RGPD2: variants seen among roughly 807,000 people sequenced by gnomAD.
The protein encoded by RGPD2 is RANBP2-like and GRIP domain-containing protein 2.
Under a neutral mutation model 36.0 loss-of-function variants are expected in RGPD2, and 2 were observed. That is an observed-to-expected ratio of 0.06 (90% CI 0.02 to 0.17). The LOEUF (loss-of-function observed/expected upper bound fraction) is 0.17, where lower values mean the gene tolerates loss of function less well. Ranked by LOEUF, RGPD2 falls within the 10% of genes least tolerant of loss-of-function variation. The probability of loss-of-function intolerance (pLI) is 1.00; values close to 1 mark genes in which losing one functional copy is unlikely to be tolerated. For missense variants in RGPD2, 40 were observed against 464.3 expected, an observed-to-expected ratio of 0.09 and a Z score of 8.40; for synonymous variants, 19 against 163.8, an observed-to-expected ratio of 0.12 and a Z score of 6.75.
chr2:87,865,440 C>T, the RGPD2 span, among the ~76,000 whole-genome samples: 6 of 152,292 alleles, frequency 3.9e-5, no homozygotes, highest in East Asian at 1.9e-4. Context: ...GACACTGATC[C>T]CAGGGTACAT....
the RGPD2 span, among the ~76,000 whole-genome samples, chr2:87,840,548 T>A: frequency 2.0e-5 from 3 of 151,772 alleles, no homozygotes; most frequent in Non-Finnish European, 2.9e-5. Flanking sequence ...AAAAAAAAAA[T>A]TTAAAAAGAA....
At chr2:87,762,599 T>TC in intron 22 of RGPD2, among the ~76,000 whole-genome samples, 1 of 77,080 alleles carries the variant, frequency 1.3e-5, no homozygotes, top group Non-Finnish European at 2.2e-5. Flanking sequence ...GCACCTACAG[T>TC]CCCAGCTACT....
chr2:87,879,305 T>A, the RGPD2 span, among the ~76,000 whole-genome samples: 1 of 152,034 alleles, frequency 6.6e-6, no homozygotes, highest in African/African-American at 2.4e-5. Flanking sequence ...AACACTCCAG[T>A]TATACTCTTT....
the RGPD2 span, among the ~76,000 whole-genome samples, chr2:87,979,241 C>CAA: frequency 5.8e-3 from 768 of 131,606 alleles, 7 homozygotes; most frequent in African/African-American, 0.017. Context: ...CCCCCTCCCC[C>CAA]AAAAAAAGAA....
the RGPD2 span, among the ~76,000 whole-genome samples, chr2:87,932,722 C>A: frequency 6.6e-6 from 1 of 151,926 alleles, no homozygotes; most frequent in Non-Finnish European, 1.5e-5. Flanking sequence ...CTTAGTTTGG[C>A]CAGATATAAA....
the RGPD2 span, among the ~76,000 whole-genome samples, chr2:87,955,017 TTTTG>T: frequency 2.6e-5 from 1 of 38,210 alleles, no homozygotes. Context: ...TTTTTTTTTT[TTTTG>T]TTTGAGACGG....
At chr2:87,957,534 T>C in the RGPD2 span, among the ~76,000 whole-genome samples, 4 of 151,710 alleles carry the variant, frequency 2.6e-5, no homozygotes, top group African/African-American at 9.7e-5. Context: ...CGTACCTTCG[T>C]ATAATGGATG....
the RGPD2 span, among the ~76,000 whole-genome samples, chr2:87,885,524 T>C: frequency 1.3e-5 from 2 of 151,214 alleles, no homozygotes; most frequent in African/African-American, 4.9e-5. Flanking sequence ...GAGAGAGAAA[T>C]AAAGGACATC....
intron 22 of RGPD2, among the ~76,000 whole-genome samples, chr2:87,760,909 G>T (rs1417533280): frequency 6.6e-6 from 1 of 150,380 alleles, no homozygotes; most frequent in Non-Finnish European, 1.5e-5. Flanking sequence ...AAGCCACCAT[G>T]CCTGGCTTTC....
At chr2:87,962,027 CA>C in the RGPD2 span, among the ~76,000 whole-genome samples, 73,697 of 108,210 alleles carry the variant, frequency 0.68, 22,870 homozygotes, top group East Asian at 0.77. Flanking sequence ...ACACTTGTCT[CA>C]AAAAAAAAAA....
the RGPD2 span, among the ~76,000 whole-genome samples, chr2:87,917,683 G>A: frequency 3.9e-5 from 2 of 51,196 alleles, no homozygotes; most frequent in Non-Finnish European, 6.8e-5. Flanking sequence ...ACAATGTCTC[G>A]AAGATGACTT....
chr2:87,989,205 G>A, the RGPD2 span: 9 of 382,460 alleles, frequency 2.4e-5, no homozygotes, highest in African/African-American at 1.8e-4. Flanking sequence ...AATAAAATCT[G>A]TGCATTCTAA....
At chr2:87,831,540 T>C in the RGPD2 span, among the ~76,000 whole-genome samples, 2 of 151,270 alleles carry the variant, frequency 1.3e-5, no homozygotes, top group Non-Finnish European at 2.9e-5. Flanking sequence ...TGAAAAAACA[T>C]ATCTTAAAAA....
At chr2:87,824,409 C>CA (rs1271280403) in intron 1 of RGPD2, among the ~76,000 whole-genome samples, 2 of 152,068 alleles carry the variant, frequency 1.3e-5, no homozygotes, top group Non-Finnish European at 1.5e-5. Flanking sequence ...CTCCAAAACT[C>CA]AGACATTCTA....
At chr2:87,988,425 A>AG in the RGPD2 span, among the ~76,000 whole-genome samples, 1 of 26,606 alleles carries the variant, frequency 3.8e-5, no homozygotes. Flanking sequence ...AATACATTAC[A>AG]GAAAAAAAAC....
chr2:87,971,473 A>ATATAATTATATATAAT, the RGPD2 span, among the ~76,000 whole-genome samples: 1 of 20,254 alleles, frequency 4.9e-5, no homozygotes, highest in Non-Finnish European at 1.5e-4. Context: ...ATATATATAT[A>ATATAATTATATATAAT]ATGAATATAT....
chr2:87,847,046 G>A, the RGPD2 span, among the ~76,000 whole-genome samples: 2 of 151,542 alleles, frequency 1.3e-5, no homozygotes, highest in African/African-American at 4.9e-5. Context: ...GATATTCCTA[G>A]TTTCTTAGGA....
chr2:87,885,448 G>C, the RGPD2 span, among the ~76,000 whole-genome samples: 2 of 151,850 alleles, frequency 1.3e-5, no homozygotes, highest in Non-Finnish European at 1.5e-5. Context: ...AAAAAAATAA[G>C]TATGCCCATT....
chr2:87,857,509 A>AT, the RGPD2 span, among the ~76,000 whole-genome samples: 3 of 151,316 alleles, frequency 2.0e-5, no homozygotes, highest in African/African-American at 4.8e-5. Flanking sequence ...CGCCTGGCTA[A>AT]TTTTTTGTAT....
Sources: gnomAD v4.1 joint callset for allele counts (sites outside exome capture counted in the v4.1 genomes callset) on GRCh38, gnomAD v4.1.1 for gene constraint, MANE v1.5 for transcripts, NCBI Gene and HGNC (gene_info 2026-07-23, HGNC 2026-07-21) for gene names.